The following PCCA variants were observed in gnomAD, a reference collection of about 807,000 sequenced individuals.
PCCA encodes the protein propionyl-CoA carboxylase alpha chain, mitochondrial.
A neutral mutation model predicts 101.3 loss-of-function variants in PCCA; 74 were observed. The observed-to-expected ratio is 0.73, with a 90% confidence interval of 0.61 to 0.89. The LOEUF is 0.89. PCCA is among the 40% of genes least tolerant of loss of function. PCCA has a pLI of 0.00. For missense variants in PCCA, 891 were observed against 907.0 expected (o/e 0.98, Z 0.23); for synonymous variants, 294 against 313.6 (o/e 0.94, Z 0.66).
intron 21 of PCCA, among the ~76,000 whole-genome samples, chr13:100,502,104 A>C (rs1350873426): frequency 1.3e-5 from 2 of 152,186 alleles, no homozygotes; most frequent in African/African-American, 2.4e-5. Context: ...TGCTCACACT[A>C]CAGTTAGGAG....
At chr13:100,325,077 A>T (rs574478583) in intron 16 of PCCA, among the ~76,000 whole-genome samples, 1 of 152,314 alleles carries the variant, frequency 6.6e-6, no homozygotes, top group East Asian at 1.9e-4. Flanking sequence ...ATTTCAAGAT[A>T]AATGAATCCC....
rs35693167 is a variant in PCCA at position 100,234,474 on chromosome 13, T to TA, written c.601-1353dup. Among the ~76,000 whole-genome samples the TA allele has an allele frequency of 9.7e-3, 1,319 of 136,538 alleles. 7 individuals are homozygous for TA. Among genetic ancestry groups the TA allele is most frequent in the East Asian group, 0.02 (94 of 4,592 alleles). 89.6% of individuals were successfully genotyped at this position (136,538 alleles called of 152,430 possible). ...CATTAGCAGATGTGACTGCTTGGAG[T>TA]AAAAAAAAAAAAAAACAACTTAAAA... On this transcript the variant is annotated intron_variant, in intron 7 of 23. Coordinates refer to ENST00000376285, the MANE Select transcript of PCCA (RefSeq NM_000282.4).
At chr13:100,097,455 C>T (rs545524577) in intron 1 of PCCA, among the ~76,000 whole-genome samples, 4 of 152,280 alleles carry the variant, frequency 2.6e-5, no homozygotes, top group East Asian at 3.9e-4. Context: ...TGCAGTGGCT[C>T]ACACCTGTAA....
At chr13:100,358,836 A>G (rs2074227535) in intron 18 of PCCA, among the ~76,000 whole-genome samples, 1 of 152,156 alleles carries the variant, frequency 6.6e-6, no homozygotes, top group Admixed American at 6.5e-5. Flanking sequence ...AAAATGTCAA[A>G]TACACCTCAC....
intron 18 of PCCA, among the ~76,000 whole-genome samples, chr13:100,346,437 A>G (rs905885403): frequency 2.6e-5 from 4 of 152,240 alleles, no homozygotes; most frequent in Non-Finnish European, 4.4e-5. Context: ...AGTTGCTGCA[A>G]TCTCGTGATA....
chr13:100,452,354 T>A (rs768186387), intron 21 of PCCA, among the ~76,000 whole-genome samples: 2 of 152,082 alleles, frequency 1.3e-5, no homozygotes, highest in Admixed American at 6.6e-5. Context: ...TCCACCTCAC[T>A]GCCATGCTAC....
chr13:100,301,923 A>G (rs571776295), intron 13 of PCCA, among the ~76,000 whole-genome samples: 1 of 152,180 alleles, frequency 6.6e-6, no homozygotes, highest in South Asian at 2.1e-4. Flanking sequence ...TTCTTTGTTT[A>G]TTTTCAAACA....
intron 8 of PCCA, chr13:100,236,448 TCTTTTTCTTTTCTTTC>T (rs1177878402): frequency 3.3e-4 from 51 of 153,584 alleles, no homozygotes; most frequent in Non-Finnish European, 5.9e-4. Context: ...TAATTTCTTT[TCTTTTTCTTTTCTTTC>T]CTTTTTTTTT....
intron 21 of PCCA, among the ~76,000 whole-genome samples, chr13:100,486,472 T>C (rs985040391): frequency 1.4e-4 from 22 of 152,258 alleles, no homozygotes; most frequent in African/African-American, 4.6e-4. Context: ...AGTTTTGTTG[T>C]TCCATATGGC....
intron 7 of PCCA, among the ~76,000 whole-genome samples, chr13:100,223,219 A>T (rs1400480378): frequency 6.6e-6 from 1 of 152,136 alleles, no homozygotes; most frequent in African/African-American, 2.4e-5. Context: ...AAGAGCTTAA[A>T]GCCTTCTGTG....
chr13:100,321,452 C>A (rs2068020133), intron 16 of PCCA, among the ~76,000 whole-genome samples: 1 of 151,928 alleles, frequency 6.6e-6, no homozygotes, highest in African/African-American at 2.4e-5. Context: ...TTTCATCTGC[C>A]TTCTACTATG....
intron 21 of PCCA, among the ~76,000 whole-genome samples, chr13:100,504,296 T>C (rs987846004): frequency 6.6e-6 from 1 of 152,206 alleles, no homozygotes; most frequent in Non-Finnish European, 1.5e-5. Flanking sequence ...TCCACATAGA[T>C]AGGACAACGT....
chr13:100,208,128 G>C (rs150849129), intron 6 of PCCA, among the ~76,000 whole-genome samples: 3 of 152,238 alleles, frequency 2.0e-5, no homozygotes, highest in East Asian at 1.9e-4. Flanking sequence ...TCAGCTCAGC[G>C]TGTGCAAAGT....
chr13:100,353,373 A>C (rs1004749559), intron 18 of PCCA, among the ~76,000 whole-genome samples: 3 of 152,184 alleles, frequency 2.0e-5, no homozygotes, highest in African/African-American at 7.2e-5. Flanking sequence ...TTACCATACC[A>C]TATACTAGGC....
chr13:100,430,455 C>A (rs977827001), intron 20 of PCCA, among the ~76,000 whole-genome samples: 3 of 152,086 alleles, frequency 2.0e-5, no homozygotes, highest in South Asian at 4.1e-4. Flanking sequence ...TGTTGAGCTG[C>A]TCTTGTTTTT....
chr13:100,188,066 G>A (rs1461097145), intron 6 of PCCA, among the ~76,000 whole-genome samples: 1 of 152,158 alleles, frequency 6.6e-6, no homozygotes, highest in Non-Finnish European at 1.5e-5. Flanking sequence ...AGGCCGAGGT[G>A]GGCGGATCAC....
At chr13:100,332,020 A>C (rs1002135961) in intron 17 of PCCA, among the ~76,000 whole-genome samples, 1 of 147,332 alleles carries the variant, frequency 6.8e-6, no homozygotes, top group Non-Finnish European at 1.5e-5. Context: ...GCTTACTGCA[A>C]CTCTGCCTTC....
intron 12 of PCCA, among the ~76,000 whole-genome samples, chr13:100,273,614 A>G (rs1873380220): frequency 6.6e-6 from 1 of 152,130 alleles, no homozygotes; most frequent in Non-Finnish European, 1.5e-5. Context: ...GATGAACTGT[A>G]TTTGTCAGTG....
At chr13:100,280,129 G>C (rs1054345947) in intron 12 of PCCA, among the ~76,000 whole-genome samples, 1 of 151,586 alleles carries the variant, frequency 6.6e-6, no homozygotes, top group Non-Finnish European at 1.5e-5. Context: ...GAAAGTCACC[G>C]CGTTTGGTGC....
Sources: allele counts gnomAD v4.1 joint callset (sites outside exome capture counted in the v4.1 genomes callset), GRCh38; gene constraint gnomAD v4.1.1; transcripts MANE v1.5; gene names NCBI Gene and HGNC (gene_info 2026-07-23, HGNC 2026-07-21).